The following EXOC4 variants were observed in gnomAD, a reference collection of about 807,000 sequenced individuals.
The protein encoded by EXOC4 is exocyst complex component 4.
In EXOC4, 71 loss-of-function variants were observed where a neutral mutation model predicts 107.2. The ratio of observed to expected loss-of-function variants is 0.66; its 90% confidence interval spans 0.55 to 0.81. EXOC4 has a LOEUF of 0.81. EXOC4 is among the 30% of genes least tolerant of loss of function. The probability of loss-of-function intolerance (pLI) is 0.00; values close to 1 mark genes in which losing one functional copy is unlikely to be tolerated. For missense variants in EXOC4, 1,108 were observed against 1,189.6 expected, an observed-to-expected ratio of 0.93 and a Z score of 1.01; for synonymous variants, 456 against 441.2, an observed-to-expected ratio of 1.03 and a Z score of -0.42.
chr7:133,710,779 A>G (rs911992923), intron 10 of EXOC4, among the ~76,000 whole-genome samples: 1 of 152,044 alleles, frequency 6.6e-6, no homozygotes, highest in African/African-American at 2.4e-5. Context: ...ATTTCAGGGC[A>G]GCTGCTACCA....
chr7:134,077,340 T>C, the EXOC4 span, among the ~76,000 whole-genome samples: 1 of 152,218 alleles, frequency 6.6e-6, no homozygotes. Context: ...AATTGGATGA[T>C]GCTTACCCAC....
chr7:133,443,342 C>G (rs1798146456), intron 7 of EXOC4, among the ~76,000 whole-genome samples: 1 of 152,148 alleles, frequency 6.6e-6, no homozygotes, highest in Non-Finnish European at 1.5e-5. Context: ...ACACCTGCCT[C>G]TTGGTAAAGT....
chr7:133,849,185 G>C (rs79513639), intron 11 of EXOC4, among the ~76,000 whole-genome samples: 1 of 152,188 alleles, frequency 6.6e-6, no homozygotes, highest in East Asian at 1.9e-4. Flanking sequence ...CCAGTGCAAT[G>C]GGAGGTGGTA....
At chr7:133,971,360 A>ATATATATATATATATAT (rs1801225347) in intron 14 of EXOC4, among the ~76,000 whole-genome samples, 1 of 101,836 alleles carries the variant, frequency 9.8e-6, no homozygotes, top group East Asian at 3.1e-4. Flanking sequence ...ATATATATAT[A>ATATATATATATATATAT]TAGAGAGAGA....
chr7:133,844,403 T>G (rs993043844), intron 11 of EXOC4, among the ~76,000 whole-genome samples: 4 of 126,772 alleles, frequency 3.2e-5, no homozygotes, highest in Non-Finnish European at 6.7e-5. Flanking sequence ...TTTTTTTTTT[T>G]TTTTTGAGAT....
chr7:133,724,600 C>T (rs1204417869), intron 10 of EXOC4, among the ~76,000 whole-genome samples: 3 of 152,094 alleles, frequency 2.0e-5, no homozygotes, highest in Non-Finnish European at 4.4e-5. Flanking sequence ...TTAATAATAT[C>T]ATATCTATTA....
At chr7:133,571,510 T>C (rs1358949891) in intron 9 of EXOC4, among the ~76,000 whole-genome samples, 2 of 151,946 alleles carry the variant, frequency 1.3e-5, no homozygotes, top group South Asian at 2.1e-4. Flanking sequence ...CTCTACTAAA[T>C]ATACAAAAAC....
At chr7:133,347,242 T>A (rs1339749475) in intron 5 of EXOC4, among the ~76,000 whole-genome samples, 1 of 143,232 alleles carries the variant, frequency 7.0e-6, no homozygotes. Flanking sequence ...ACGTAAACTA[T>A]ACTTTTTTTT....
Position 133,765,681 on chromosome 7 carries a change from A to G in EXOC4, c.1515-51644A>G, listed in dbSNP as rs1008916237. Among the ~76,000 whole-genome samples, 11 of 152,092 alleles carry G rather than the reference A, an allele frequency of 7.2e-5. 1 individual carries two copies. The Middle Eastern group carries it at 0.01, about 141-fold the overall frequency. ...CTAATTAAGTCTTCCTTTTTTCTGC[A>G]TTAATCGCCTTCCTTTGTATTATGA... On this transcript the variant is annotated intron_variant, in intron 10 of 17. Coordinates refer to ENST00000253861, the MANE Select transcript of EXOC4 (RefSeq NM_021807.4).
At chr7:133,478,941 T>C (rs1459500312) in intron 8 of EXOC4, 3 of 152,130 alleles carry the variant, frequency 2.0e-5, no homozygotes, top group Admixed American at 6.5e-5. Context: ...AGAGAGGGGA[T>C]CACGTAACCC....
rs552843211 is a variant in EXOC4, at chr7:133,349,725, T to C, written c.764-6605T>C. On this transcript the variant is annotated intron_variant, in intron 5 of 17. Transcript: ENST00000253861. ...GGATATATAGTAATTTCATTTTTAA[T>C]TTTTTGAGGAACCGCAATATGGGTT... Among the ~76,000 whole-genome samples, 114 of 152,284 alleles carry C rather than the reference T, an allele frequency of 7.5e-4. 1 individual carries two copies. Among genetic ancestry groups the C allele is most frequent in the African/African-American group, 2.5e-3 (105 of 41,568 alleles).
chr7:133,927,135 T>TAA (rs141235054), intron 13 of EXOC4, among the ~76,000 whole-genome samples: 4 of 142,426 alleles, frequency 2.8e-5, no homozygotes, highest in East Asian at 4.0e-4. Flanking sequence ...AAATAAAATG[T>TAA]AAAAAAAAAA....
chr7:133,839,630 C>T (rs1238497717), intron 11 of EXOC4, among the ~76,000 whole-genome samples: 1 of 152,142 alleles, frequency 6.6e-6, no homozygotes, highest in Non-Finnish European at 1.5e-5. Context: ...TTCTTTTGAG[C>T]TTTAAGGTAT....
chr7:134,018,567 C>G (rs1794960078), intron 17 of EXOC4, among the ~76,000 whole-genome samples: 1 of 152,162 alleles, frequency 6.6e-6, no homozygotes, highest in African/African-American at 2.4e-5. Context: ...ACCTTTTGTT[C>G]TCTGAAACCT....
chr7:133,379,069 A>G (rs961525621), intron 7 of EXOC4, among the ~76,000 whole-genome samples: 1 of 152,148 alleles, frequency 6.6e-6, no homozygotes, highest in Non-Finnish European at 1.5e-5. Context: ...ACAAAGAGCC[A>G]TATACCTCTT....
intron 10 of EXOC4, among the ~76,000 whole-genome samples, chr7:133,675,618 A>G (rs1028889470): frequency 2.0e-5 from 3 of 152,196 alleles, no homozygotes; most frequent in Non-Finnish European, 2.9e-5. Flanking sequence ...GTCTACTTCT[A>G]TGTGGACAAA....
chr7:133,356,298 G>T, intron 5 of EXOC4, 32 bp from the exon 6 acceptor site: 1 of 1,609,224 alleles, frequency 6.2e-7, no homozygotes, highest in Non-Finnish European at 8.5e-7. Flanking sequence ...AGTGGAGTCT[G>T]TATCTATTAT....
At chr7:133,559,626 G>A (rs1800770160) in intron 9 of EXOC4, among the ~76,000 whole-genome samples, 1 of 152,178 alleles carries the variant, frequency 6.6e-6, no homozygotes, top group Non-Finnish European at 1.5e-5. Flanking sequence ...AAGGAGAGTA[G>A]GCTTTTCCTC....
At position 133,819,940 on chromosome 7, in the gene EXOC4, G is replaced by C. The variant is rs1797471879; in HGVS notation, c.1734+2396G>C. ...GGGCAGTCTGTCCATGTGCCTGTCA[G>C]ATCACTCCCAACCTCATCACCGCCA... On this transcript the variant is annotated intron_variant, in intron 11 of 17. Transcript: ENST00000253861. Among the ~76,000 whole-genome samples, 2 of 152,106 alleles carry C rather than the reference G, an allele frequency of 1.3e-5. 1 individual carries two copies. The highest frequency in any genetic ancestry group is 4.1e-4 in the South Asian group (2 of 4,828).
Sources: gnomAD v4.1 joint callset for allele counts (sites outside exome capture counted in the v4.1 genomes callset) on GRCh38, gnomAD v4.1.1 for gene constraint, MANE v1.5 for transcripts, NCBI Gene and HGNC (gene_info 2026-07-23, HGNC 2026-07-21) for gene names.